RAI1: variants seen among roughly 807,000 people sequenced by gnomAD.
RAI1 encodes the protein retinoic acid-induced protein 1.
A neutral mutation model predicts 123.8 loss-of-function variants in RAI1; 9 were observed. The ratio of observed to expected loss-of-function variants is 0.07; its 90% confidence interval spans 0.04 to 0.13. RAI1 has a LOEUF of 0.13. Among genes scored for constraint, RAI1 ranks in the 10% least tolerant of loss-of-function variants. RAI1 has a pLI of 1.00. For missense variants in RAI1, 2,256 were observed against 2,545.8 expected (o/e 0.89, Z 2.45); for synonymous variants, 1,231 against 1,127.3 (o/e 1.09, Z -1.84).
intron 2 of RAI1, among the ~76,000 whole-genome samples, chr17:17,773,481 G>A (rs2031239497): frequency 6.6e-6 from 1 of 152,176 alleles, no homozygotes; most frequent in African/African-American, 2.4e-5. Flanking sequence ...CAGACCCATA[G>A]AGTTCAAATC....
intron 2 of RAI1, among the ~76,000 whole-genome samples, chr17:17,772,806 G>A (rs2031206089): frequency 6.6e-6 from 1 of 152,134 alleles, no homozygotes; most frequent in Non-Finnish European, 1.5e-5. Context: ...TGAGCCCACA[G>A]CTGTCTCTGG....
In RAI1 at chr17:17,748,753, C is replaced by T. The variant is rs527964371; in HGVS notation, c.-17+24594C>T. ...CACTGTGGTGTGGAGGGCTGCAGGG[C>T]TTGGTAGCACTGGAGTGAGCAGAGG... On this transcript the variant is annotated intron_variant, in intron 2 of 5. Transcript: ENST00000353383. Among the ~76,000 whole-genome samples the T allele has an allele frequency of 5.7e-4, 87 of 152,214 alleles. 1 individual carries two copies. Among genetic ancestry groups the T allele is most frequent in the Non-Finnish European group, 1.0e-3 (70 of 68,000 alleles).
chr17:17,781,447 C>T (rs773585081), intron 2 of RAI1, among the ~76,000 whole-genome samples: 99 of 152,354 alleles, frequency 6.5e-4, no homozygotes, highest in Non-Finnish European at 1.1e-3. Flanking sequence ...GAAGGACAGG[C>T]TGGGGTTTGC....
At chr17:17,757,248 G>A (rs2030474380) in intron 2 of RAI1, among the ~76,000 whole-genome samples, 1 of 152,198 alleles carries the variant, frequency 6.6e-6, no homozygotes, top group African/African-American at 2.4e-5. Flanking sequence ...GCCTGAAGAC[G>A]GCAGCTCATC....
At chr17:17,769,539 G>A (rs1350570789) in intron 2 of RAI1, among the ~76,000 whole-genome samples, 1 of 152,240 alleles carries the variant, frequency 6.6e-6, no homozygotes, top group African/African-American at 2.4e-5. Flanking sequence ...ACAAGCTTGT[G>A]AGGGGCCACA....
chr17:17,779,396 G>C (rs1415863602), intron 2 of RAI1: 1 of 170,918 alleles, frequency 5.9e-6, no homozygotes, highest in African/African-American at 2.4e-5. Flanking sequence ...CAGGCCTCCA[G>C]GGAGGCCAGG....
chr17:17,755,925 A>AT (rs1300626537), intron 2 of RAI1, among the ~76,000 whole-genome samples: 2 of 152,214 alleles, frequency 1.3e-5, no homozygotes, highest in African/African-American at 2.4e-5. Context: ...CCCTTTAGTG[A>AT]TAAATCCAGC....
At chr17:17,778,737 C>A (rs1480965486) in intron 2 of RAI1, 1 of 456,760 alleles carries the variant, frequency 2.2e-6, no homozygotes, top group Admixed American at 2.3e-5. Context: ...ATTCTCCATG[C>A]TGGAGAGCCC....
At chr17:17,706,840 T>C (rs1207937274) in intron 1 of RAI1, among the ~76,000 whole-genome samples, 1 of 152,214 alleles carries the variant, frequency 6.6e-6, no homozygotes, top group Admixed American at 6.5e-5. Context: ...GAAAAGTTTT[T>C]AAAGATTCCA....
intron 2 of RAI1, chr17:17,778,318 A>G (rs1449003928): frequency 5.0e-5 from 11 of 220,070 alleles, no homozygotes; most frequent in Admixed American, 3.1e-4. Flanking sequence ...TAGAAAGTAC[A>G]AGACTTGGAC....
At chr17:17,775,636 G>A (rs188956297) in intron 2 of RAI1, among the ~76,000 whole-genome samples, 2 of 152,046 alleles carry the variant, frequency 1.3e-5, no homozygotes, top group African/African-American at 2.4e-5. Flanking sequence ...GGAGACAATC[G>A]AATCTATTTA....
intron 1 of RAI1, among the ~76,000 whole-genome samples, chr17:17,691,570 G>GC (rs1489217079): frequency 6.6e-6 from 1 of 152,244 alleles, no homozygotes; most frequent in Non-Finnish European, 1.5e-5. Context: ...CACAGCCCAG[G>GC]CAAAGGCTCA....
At chr17:17,688,957 T>C (rs542013235) in intron 1 of RAI1, among the ~76,000 whole-genome samples, 1 of 150,454 alleles carries the variant, frequency 6.6e-6, no homozygotes, top group Non-Finnish European at 1.5e-5. Context: ...CCATTATGAT[T>C]ATTATTTTTT....
rs145749602 is a variant in RAI1, at chr17:17,795,292, G to A, written c.2344G>A (p.Gly782Arg). Residue 782 changes from glycine to arginine, a missense_variant, in exon 3 of 6, where the codon GGG (glycine) becomes AGG (arginine). Gly to Arg is a moderately radical substitution (Grantham distance 125, BLOSUM62 -2). Around this residue, in one of 7 missense-constraint regions of RAI1, gnomAD observed 566 missense variants for 616.0 expected, o/e 0.92. Coordinates refer to ENST00000353383, the MANE Select transcript of RAI1 (RefSeq NM_030665.4). The surrounding 1 kb of genome is among the most constrained non-coding windows in gnomAD (Gnocchi z 5.9). The part of the protein sequence containing the change: ...GGKASDGISK[G>R]DTHEASACLG... The stretch of plus-strand genomic sequence containing the variant: ...GAAGGCCTCAGATGGCATCAGCAAA[G>A]GGGACACCCATGAGGCTTCGGCCTG... 8 of 1,613,004 alleles carry A rather than the reference G, an allele frequency of 5.0e-6. No homozygotes were observed. The highest frequency in any genetic ancestry group is 5.9e-6 in the Non-Finnish European group (7 of 1,179,234).
At chr17:17,686,620 C>CACGCG (rs1914649491) in intron 1 of RAI1, among the ~76,000 whole-genome samples, 3 of 142,388 alleles carry the variant, frequency 2.1e-5, no homozygotes, top group African/African-American at 5.1e-5. Flanking sequence ...CACGCGCGCG[C>CACGCG]CGGGGAGGGG....
intron 4 of RAI1, among the ~76,000 whole-genome samples, chr17:17,808,706 C>G (rs2032647786): frequency 6.6e-6 from 1 of 152,170 alleles, no homozygotes; most frequent in Non-Finnish European, 1.5e-5. Flanking sequence ...CTCATCCTCC[C>G]AAAGTGCTGG....
At chr17:17,724,527 G>A (rs1916012187) in intron 2 of RAI1, among the ~76,000 whole-genome samples, 1 of 151,502 alleles carries the variant, frequency 6.6e-6, no homozygotes, top group African/African-American at 2.4e-5. Flanking sequence ...ATTGGCGGAA[G>A]GCATGGGGCT....
At chr17:17,702,634 G>C (rs1915260160) in intron 1 of RAI1, among the ~76,000 whole-genome samples, 1 of 152,218 alleles carries the variant, frequency 6.6e-6, no homozygotes, top group Admixed American at 6.5e-5. Context: ...GAAACCTAGA[G>C]GGAGGTCCCT....
intron 2 of RAI1, among the ~76,000 whole-genome samples, chr17:17,741,090 C>T (rs538367711): frequency 2.2e-5 from 3 of 137,412 alleles, no homozygotes; most frequent in African/African-American, 1.0e-4. Flanking sequence ...CAAGCGCGCG[C>T]GCACACACAC....
Sources: gnomAD v4.1 joint callset for allele counts (sites outside exome capture counted in the v4.1 genomes callset) on GRCh38, gnomAD v4.1.1 for gene constraint, gnomAD v4.1.1 regional missense constraint, Gnocchi (gnomAD v3.1) non-coding constraint, MANE v1.5 for transcripts, NCBI Gene and HGNC (gene_info 2026-07-23, HGNC 2026-07-21) for gene names.